Variants in SORCS1 observed in about 807,000 individuals in gnomAD.
The protein encoded by SORCS1 is sortilin related VPS10 domain containing receptor 1, also known as VPS10 domain-containing receptor SorCS1.
Under a neutral mutation model 146.1 loss-of-function variants are expected in SORCS1, and 60 were observed. The observed-to-expected ratio is 0.41, with a 90% CI of 0.33 to 0.51. The LOEUF (loss-of-function observed/expected upper bound fraction) is 0.51. Ranked by LOEUF, SORCS1 falls within the 20% of genes least tolerant of loss-of-function variation. The probability of loss-of-function intolerance (pLI) is 0.21; values close to 1 mark genes in which losing one functional copy is unlikely to be tolerated. For missense variants in SORCS1, 1,352 were observed against 1,487.6 expected (o/e 0.91, Z 1.50); for synonymous variants, 637 against 584.0 (o/e 1.09, Z -1.31).
intron 1 of SORCS1, among the ~76,000 whole-genome samples, chr10:107,018,725 G>A (rs10884400): frequency 0.27 from 40,869 of 151,824 alleles, 6,544 homozygotes; most frequent in Admixed American, 0.37. Flanking sequence ...AGCAGGACAA[G>A]ATTTTCTGGA....
chr10:106,919,589 A>T (rs1952606657), intron 2 of SORCS1, among the ~76,000 whole-genome samples: 2 of 152,202 alleles, frequency 1.3e-5, no homozygotes, highest in Admixed American at 6.5e-5. Flanking sequence ...ATAGAGCATG[A>T]AGTGAAAAAA....
chr10:106,607,360 G>C (rs909867436), intron 22 of SORCS1, 63 bp from the exon 23 acceptor site: 1 of 1,593,146 alleles, frequency 6.3e-7, no homozygotes, highest in Non-Finnish European at 8.5e-7. Context: ...AAGGGACCAA[G>C]TATTTGGTGG....
chr10:107,117,869 A>G (rs1231394836), intron 1 of SORCS1, among the ~76,000 whole-genome samples: 3 of 152,116 alleles, frequency 2.0e-5, no homozygotes, highest in East Asian at 3.9e-4. Flanking sequence ...TCTCACACAT[A>G]CCTAATTTAG....
intron 9 of SORCS1, among the ~76,000 whole-genome samples, chr10:106,693,459 C>T (rs919639347): frequency 2.6e-4 from 40 of 152,130 alleles, no homozygotes; most frequent in African/African-American, 5.8e-4. Context: ...AGAGAAATAT[C>T]GTATCAGAAT....
rs1964070271 is a variant in SORCS1 at position 107,090,010 on chromosome 10, C to T, written c.558+73959G>A. Among the ~76,000 whole-genome samples, 6 of 152,132 alleles carry T rather than the reference C, an allele frequency of 3.9e-5. No individual in the cohort carries two copies. In the South Asian group the frequency reaches 1.2e-3, roughly 31 times the overall value. On this transcript the variant is annotated intron_variant, in intron 1 of 25. Coordinates refer to ENST00000263054, the MANE Select transcript of SORCS1 (RefSeq NM_052918.5). ...CCATCGACCCACCAAATCCCTTAAG[C>T]CTGTGTTTATTTCACTTTGCAACTC...
At chr10:106,830,283 C>T (rs1227890975) in intron 2 of SORCS1, among the ~76,000 whole-genome samples, 1 of 152,140 alleles carries the variant, frequency 6.6e-6, no homozygotes, top group Non-Finnish European at 1.5e-5. Context: ...CCTATAGAGC[C>T]TCTCAGCTTT....
intron 2 of SORCS1, among the ~76,000 whole-genome samples, chr10:106,874,450 T>C (rs1420627249): frequency 2.6e-5 from 4 of 152,184 alleles, no homozygotes; most frequent in African/African-American, 9.7e-5. Context: ...ACTGTTTTGG[T>C]TACTTTGGAT....
At chr10:106,830,883 A>G (rs1297778335) in intron 2 of SORCS1, among the ~76,000 whole-genome samples, 1 of 150,946 alleles carries the variant, frequency 6.6e-6, no homozygotes, top group Non-Finnish European at 1.5e-5. Context: ...ACCACAGAGC[A>G]AGACTCTGTT....
intron 1 of SORCS1, among the ~76,000 whole-genome samples, chr10:107,002,701 T>C (rs1000366138): frequency 2.0e-5 from 3 of 152,168 alleles, no homozygotes; most frequent in African/African-American, 7.2e-5. Context: ...ACACAGAGAA[T>C]GTCGTATGTG....
intron 1 of SORCS1, among the ~76,000 whole-genome samples, chr10:106,977,930 G>A (rs190169986): frequency 2.6e-5 from 4 of 152,148 alleles, no homozygotes; most frequent in Non-Finnish European, 5.9e-5. Context: ...GTTCGAGTGC[G>A]CATGATATGT....
At chr10:107,102,242 G>T (rs149161377) in intron 1 of SORCS1, among the ~76,000 whole-genome samples, 356 of 152,236 alleles carry the variant, frequency 2.3e-3, no homozygotes, top group African/African-American at 8.2e-3. Context: ...TATTGATTTA[G>T]ACACTGTGGA....
At chr10:107,113,875 T>C (rs1003236440) in intron 1 of SORCS1, among the ~76,000 whole-genome samples, 3 of 151,678 alleles carry the variant, frequency 2.0e-5, no homozygotes, top group African/African-American at 7.3e-5. Context: ...TTGGTTTTTT[T>C]GAAAAGATAT....
At chr10:106,761,442 T>A (rs1410149208) in intron 5 of SORCS1, 146 bp downstream of exon 5, 1 of 652,034 alleles carries the variant, frequency 1.5e-6, no homozygotes, top group Non-Finnish European at 2.7e-6. Flanking sequence ...TAATGTCACA[T>A]CCTGCCCTGA....
intron 5 of SORCS1, among the ~76,000 whole-genome samples, chr10:106,742,251 G>T (rs957134071): frequency 1.3e-5 from 2 of 152,092 alleles, no homozygotes; most frequent in African/African-American, 4.8e-5. Context: ...TTCAGATTTT[G>T]GATTTTATTT....
intron 2 of SORCS1, among the ~76,000 whole-genome samples, chr10:106,888,398 A>C (rs2137838295): frequency 6.6e-6 from 1 of 152,300 alleles, no homozygotes; most frequent in Admixed American, 6.5e-5. Flanking sequence ...GCACTGGAAA[A>C]GAAGAAAATA....
chr10:106,939,798 T>C (rs1048269216), intron 2 of SORCS1, among the ~76,000 whole-genome samples: 3 of 152,210 alleles, frequency 2.0e-5, no homozygotes, highest in Non-Finnish European at 4.4e-5. Flanking sequence ...TCACCTGAAA[T>C]AAGAAAAAGG....
At chr10:106,646,639 T>G (rs948515786) in intron 18 of SORCS1, among the ~76,000 whole-genome samples, 8 of 152,056 alleles carry the variant, frequency 5.3e-5, no homozygotes, top group African/African-American at 1.9e-4. Context: ...GAGGTTGCGG[T>G]TGAGCTGAGA....
At chr10:106,729,440 T>C (rs981342834) in intron 6 of SORCS1, among the ~76,000 whole-genome samples, 5 of 116,006 alleles carry the variant, frequency 4.3e-5, no homozygotes, top group South Asian at 2.8e-4. Flanking sequence ...ATTCTCTCTC[T>C]CTCTTTTTTT....
intron 8 of SORCS1, among the ~76,000 whole-genome samples, chr10:106,704,759 G>A (rs1340650318): frequency 6.6e-6 from 1 of 152,142 alleles, no homozygotes; most frequent in Non-Finnish European, 1.5e-5. Context: ...CGCATAAGAT[G>A]AGGATATGGT....
Sources: gnomAD v4.1 joint callset for allele counts (sites outside exome capture counted in the v4.1 genomes callset) on GRCh38, gnomAD v4.1.1 for gene constraint, MANE v1.5 for transcripts, NCBI Gene and HGNC (gene_info 2026-07-23, HGNC 2026-07-21) for gene names.